PDE8A: variants seen among roughly 807,000 people sequenced by gnomAD.
PDE8A encodes the protein phosphodiesterase 8A.
A neutral mutation model predicts 105.0 loss-of-function variants in PDE8A; 59 were observed. That is an observed-to-expected ratio of 0.56 (90% CI 0.46 to 0.70). The LOEUF is 0.70. PDE8A is among the 30% of genes least tolerant of loss of function. The pLI is 0.00. For synonymous variants in PDE8A, 355 were observed against 371.9 expected (o/e 0.95, Z 0.52); for missense variants, 1,014 against 1,045.9 (o/e 0.97, Z 0.42).
chr15:85,133,992 C>T, intron 20 of PDE8A, among the ~76,000 whole-genome samples: 1 of 152,108 alleles, frequency 6.6e-6, no homozygotes. Context: ...GTAGACCCTG[C>T]CTTGCAGGTG....
intron 1 of PDE8A, among the ~76,000 whole-genome samples, chr15:84,993,428 G>A (rs4843015): frequency 0.56 from 73,508 of 132,392 alleles, 21,138 homozygotes; most frequent in Middle Eastern, 0.74. Flanking sequence ...GGGCGACAGA[G>A]CGAGACTCCA....
intron 14 of PDE8A, 83 bp downstream of exon 14, chr15:85,114,120 T>G (rs1360468605): frequency 8.3e-7 from 1 of 1,207,604 alleles, no homozygotes; most frequent in Non-Finnish European, 1.2e-6. Context: ...AAACAGATAT[T>G]GAAGAGGCAG....
intron 1 of PDE8A, among the ~76,000 whole-genome samples, chr15:84,993,170 G>A (rs760688959): frequency 1.8e-4 from 28 of 152,324 alleles, no homozygotes; most frequent in Non-Finnish European, 2.1e-4. Flanking sequence ...TCGGCTGGGC[G>A]TGGTGGCTCA....
intron 1 of PDE8A, among the ~76,000 whole-genome samples, chr15:85,002,447 G>GC (rs1249802457): frequency 6.6e-6 from 1 of 152,220 alleles, no homozygotes; most frequent in Non-Finnish European, 1.5e-5. Flanking sequence ...TGCCTGTAGA[G>GC]TTGGGTGCGC....
intron 2 of PDE8A, among the ~76,000 whole-genome samples, chr15:85,066,003 ATCTT>A (rs2081218943): frequency 6.8e-6 from 1 of 147,008 alleles, no homozygotes; most frequent in African/African-American, 2.6e-5. Context: ...TCTACTTTAA[ATCTT>A]TCTTCTTTTA....
intron 1 of PDE8A, chr15:85,063,014 C>T (rs1333522935): frequency 6.6e-6 from 1 of 152,166 alleles, no homozygotes; most frequent in Non-Finnish European, 1.5e-5. Flanking sequence ...TAGGTAATAA[C>T]CATGCACTGT....
intron 6 of PDE8A, among the ~76,000 whole-genome samples, chr15:85,087,889 A>G (rs1229845559): frequency 6.6e-6 from 1 of 152,192 alleles, no homozygotes; most frequent in Non-Finnish European, 1.5e-5. Context: ...GAAAATAATT[A>G]GATTTTTTTC....
chr15:85,005,824 T>C (rs2080137535), intron 1 of PDE8A, among the ~76,000 whole-genome samples: 1 of 151,410 alleles, frequency 6.6e-6, no homozygotes, highest in Non-Finnish European at 1.5e-5. Context: ...AAAATACATA[T>C]AATAAGTTTA....
chr15:85,096,550 G>A (rs1339961342), intron 8 of PDE8A, among the ~76,000 whole-genome samples: 2 of 152,190 alleles, frequency 1.3e-5, no homozygotes, highest in African/African-American at 4.8e-5. Context: ...CCTTGATAGT[G>A]AGCTTTAGAA....
chr15:85,060,620 C>T (rs1320663215), intron 1 of PDE8A, among the ~76,000 whole-genome samples: 2 of 152,174 alleles, frequency 1.3e-5, no homozygotes, highest in Admixed American at 6.5e-5. Flanking sequence ...AACCAATTCC[C>T]TGCAGATAAC....
At chr15:85,093,358 A>G (rs904372103) in intron 8 of PDE8A, among the ~76,000 whole-genome samples, 1 of 152,166 alleles carries the variant, frequency 6.6e-6, no homozygotes, top group Non-Finnish European at 1.5e-5. Flanking sequence ...CTGTGTTTTG[A>G]GGTGAAAGAA....
chr15:85,006,215 T>C (rs1052356469), intron 1 of PDE8A, among the ~76,000 whole-genome samples: 36 of 152,088 alleles, frequency 2.4e-4, no homozygotes, highest in African/African-American at 8.2e-4. Flanking sequence ...TATACATATG[T>C]AACTAACCGG....
chr15:84,983,379 T>G (rs2079751457), intron 1 of PDE8A, among the ~76,000 whole-genome samples: 1 of 152,254 alleles, frequency 6.6e-6, no homozygotes, highest in South Asian at 2.1e-4. Flanking sequence ...TTTTCCTTGC[T>G]TGCTGAGAAC....
In PDE8A at chr15:85,091,113, G is replaced by T. The variant is rs1477203546; in HGVS notation, c.784G>T (p.Glu262Ter). Residue 262 changes from glutamate (E) to a stop codon, truncating the protein, a stop_gained, in exon 8 of 22, where the codon GAA becomes TAA. Transcript: ENST00000394553. LOFTEE classifies it high-confidence loss of function. ...SGELIGKELG[E>*]VPINEKKADL... ...TGAATTAATAGGGAAGGAGTTAGGA[G>T]AAGTGCCTATAAATGAAAAAAAGGC... 6.2e-7 allele frequency: 1 copy of T among 1,613,030 alleles called. No individual in the cohort carries two copies. Among genetic ancestry groups the T allele is most frequent in the African/African-American group, 1.3e-5 (1 of 74,990 alleles).
intron 1 of PDE8A, among the ~76,000 whole-genome samples, chr15:85,014,016 A>G (rs1350763781): frequency 6.6e-6 from 1 of 152,210 alleles, no homozygotes; most frequent in African/African-American, 2.4e-5. Context: ...CCTAGCCTAG[A>G]CTACATATTG....
At chr15:85,135,312 G>A (rs1168893900) in intron 20 of PDE8A, among the ~76,000 whole-genome samples, 2 of 152,060 alleles carry the variant, frequency 1.3e-5, no homozygotes, top group Non-Finnish European at 2.9e-5. Context: ...TGTGCACTCA[G>A]CTACCCTTCT....
At chr15:85,098,184 G>A in intron 9 of PDE8A, 148 bp downstream of exon 9, 1 of 646,564 alleles carries the variant, frequency 1.5e-6, no homozygotes, top group South Asian at 1.8e-5. Flanking sequence ...GTGTTTTCTT[G>A]GTGACTTCCT....
chr15:85,118,955 TTTTTG>T (rs1281555260), intron 17 of PDE8A, among the ~76,000 whole-genome samples: 2 of 152,180 alleles, frequency 1.3e-5, no homozygotes, highest in African/African-American at 4.8e-5. Context: ...CTTATTTCTG[TTTTTG>T]TTTTTTGTTT....
At chr15:85,048,284 G>T (rs2080918581) in intron 1 of PDE8A, among the ~76,000 whole-genome samples, 1 of 151,822 alleles carries the variant, frequency 6.6e-6, no homozygotes, top group East Asian at 1.9e-4. Context: ...TATTTTAAGG[G>T]TTTTTTTCTG....
Sources: allele counts gnomAD v4.1 joint callset (sites outside exome capture counted in the v4.1 genomes callset), GRCh38; gene constraint gnomAD v4.1.1; transcripts MANE v1.5; gene names NCBI Gene and HGNC (gene_info 2026-07-23, HGNC 2026-07-21).